Variants in PELI2 observed in about 807,000 individuals in gnomAD.
PELI2 encodes E3 ubiquitin-protein ligase pellino homolog 2.
In PELI2, 23 loss-of-function variants were observed where a neutral mutation model predicts 42.3. The ratio of observed to expected loss-of-function variants is 0.54; its 90% CI spans 0.39 to 0.77. The LOEUF is 0.77. Ranked by LOEUF, PELI2 falls within the 30% of genes least tolerant of loss-of-function variation. The pLI is 0.00. For missense variants in PELI2, 463 were observed against 553.2 expected, an observed-to-expected ratio of 0.84 and a Z score of 1.64; for synonymous variants, 245 against 212.2, an observed-to-expected ratio of 1.15 and a Z score of -1.34.
intron 1 of PELI2, among the ~76,000 whole-genome samples, chr14:56,133,615 C>A (rs1883575595): frequency 6.6e-6 from 1 of 152,322 alleles, no homozygotes; most frequent in East Asian, 1.9e-4. Flanking sequence ...ATGTAACTTT[C>A]TTCTTTTTCT....
intron 3 of PELI2, among the ~76,000 whole-genome samples, chr14:56,280,794 A>G (rs768803402): frequency 5.9e-5 from 9 of 152,154 alleles, no homozygotes; most frequent in Non-Finnish European, 1.2e-4. Context: ...CACAAAAATT[A>G]GAAGTCGAAC....
At chr14:56,266,930 A>G (rs981298438) in intron 2 of PELI2, among the ~76,000 whole-genome samples, 10 of 152,090 alleles carry the variant, frequency 6.6e-5, no homozygotes, top group South Asian at 2.1e-4. Context: ...AGACAATTCT[A>G]TAAGTTATTG....
At chr14:56,268,365 G>A (rs1203647571) in intron 2 of PELI2, among the ~76,000 whole-genome samples, 1 of 152,148 alleles carries the variant, frequency 6.6e-6, no homozygotes, top group East Asian at 1.9e-4. Flanking sequence ...AATGTAGGAT[G>A]TCACAGCAGG....
In PELI2 at chr14:56,259,240, G is replaced by A. The variant is rs147804946; in HGVS notation, c.208-20436G>A. On this transcript the variant is annotated intron_variant, in intron 2 of 5. Coordinates refer to ENST00000267460, the MANE Select transcript of PELI2 (RefSeq NM_021255.3). Reference sequence around the variant, plus strand: ...AATGTTAAAGTTTTTCAGGCAGAAGGAGAAAACAACAGATGGAAATTTAGA... The same window carrying A: ...AATGTTAAAGTTTTTCAGGCAGAAGAAGAAAACAACAGATGGAAATTTAGA... Among the ~76,000 whole-genome samples the A allele has an allele frequency of 8.1e-3, 1,227 of 152,210 alleles. 14 individuals carry two copies. Among genetic ancestry groups the A allele is most frequent in the Non-Finnish European group, 0.01 (706 of 67,978 alleles).
chr14:56,217,691 A>G (rs537781690), intron 2 of PELI2, among the ~76,000 whole-genome samples: 1 of 152,388 alleles, frequency 6.6e-6, no homozygotes, highest in East Asian at 1.9e-4. Context: ...AAAACATGTA[A>G]TAGAAAAAGG....
At chr14:56,231,680 A>G (rs569854462) in intron 2 of PELI2, among the ~76,000 whole-genome samples, 37 of 152,354 alleles carry the variant, frequency 2.4e-4, no homozygotes, top group Admixed American at 4.6e-4. Context: ...TTGACACCCT[A>G]ACATCACAAT....
intron 2 of PELI2, among the ~76,000 whole-genome samples, chr14:56,259,331 T>C (rs942600915): frequency 6.6e-6 from 1 of 152,178 alleles, no homozygotes; most frequent in Non-Finnish European, 1.5e-5. Context: ...CACTTCTTTC[T>C]TATTTTTGAT....
intron 2 of PELI2, 41 bp downstream of exon 2, chr14:56,178,505 A>T (rs113414184): frequency 1.2e-6 from 2 of 1,608,144 alleles, no homozygotes. Context: ...GCTGGCAAAC[A>T]GTGACTCACA....
At chr14:56,126,105 C>CT (rs750766710) in intron 1 of PELI2, among the ~76,000 whole-genome samples, 1 of 152,150 alleles carries the variant, frequency 6.6e-6, no homozygotes, top group Non-Finnish European at 1.5e-5. Context: ...GTTTGTTTTT[C>CT]TTTTTGTCAG....
At chr14:56,293,490 C>G (rs182309015) in intron 5 of PELI2, among the ~76,000 whole-genome samples, 5 of 129,644 alleles carry the variant, frequency 3.9e-5, no homozygotes, top group African/African-American at 1.5e-4. Flanking sequence ...TAATACATGT[C>G]TAATAGGACT....
chr14:56,257,628 C>G (rs1888568952), intron 2 of PELI2, among the ~76,000 whole-genome samples: 1 of 152,110 alleles, frequency 6.6e-6, no homozygotes, highest in Non-Finnish European at 1.5e-5. Context: ...TTAACTGTTA[C>G]AGAATTCACT....
In PELI2 at chr14:56,268,590, C is replaced by T. The variant is rs138282622; in HGVS notation, c.208-11086C>T. On this transcript the variant is annotated intron_variant, in intron 2 of 5. Transcript: ENST00000267460. ...TGCACCTTCATTTCTTCCCCTGCGG[C>T]ATTTTGCTCACATCTGGAAACATAA... Among the ~76,000 whole-genome samples, 227 of 152,340 alleles carry T rather than the reference C, an allele frequency of 1.5e-3. 1 individual carries two copies. Among genetic ancestry groups the T allele is most frequent in the African/African-American group, 5.3e-3 (219 of 41,572 alleles).
intron 3 of PELI2, 135 bp downstream of exon 3, chr14:56,279,912 T>A (rs543304755): frequency 9.1e-5 from 38 of 417,394 alleles, no homozygotes; most frequent in Middle Eastern, 6.1e-4. Flanking sequence ...TATTCCTGTT[T>A]GGTTGTTGAA....
At chr14:56,213,660 T>A (rs558514592) in intron 2 of PELI2, among the ~76,000 whole-genome samples, 2 of 152,250 alleles carry the variant, frequency 1.3e-5, no homozygotes, top group South Asian at 4.2e-4. Flanking sequence ...GGGGGTGAGG[T>A]TAATAAGCCA....
At chr14:56,268,930 G>A (rs181686029) in intron 2 of PELI2, among the ~76,000 whole-genome samples, 53 of 152,310 alleles carry the variant, frequency 3.5e-4, no homozygotes, top group African/African-American at 1.3e-3. Flanking sequence ...TGCCATCAGA[G>A]TCTGCATTAA....
intron 1 of PELI2, among the ~76,000 whole-genome samples, chr14:56,149,844 G>C (rs916024698): frequency 6.6e-6 from 1 of 151,992 alleles, no homozygotes; most frequent in African/African-American, 2.4e-5. Flanking sequence ...TTTTACTTTC[G>C]TTAAGGACGT....
chr14:56,119,407 A>G (rs1316236072), intron 1 of PELI2, among the ~76,000 whole-genome samples: 1 of 151,886 alleles, frequency 6.6e-6, no homozygotes, highest in African/African-American at 2.4e-5. Flanking sequence ...GGGGAGGGAC[A>G]GGATGCGGCT....
At chr14:56,175,930 C>T (rs946582877) in intron 1 of PELI2, among the ~76,000 whole-genome samples, 3 of 152,170 alleles carry the variant, frequency 2.0e-5, no homozygotes, top group African/African-American at 7.2e-5. Context: ...ACTTTGTCTG[C>T]TTTTTCAGCC....
chr14:56,278,188 T>A (rs1889358306), intron 2 of PELI2, among the ~76,000 whole-genome samples: 1 of 152,218 alleles, frequency 6.6e-6, no homozygotes, highest in African/African-American at 2.4e-5. Context: ...TAATAAATTA[T>A]TTTTCTTAAA....
Sources: gnomAD v4.1 joint callset for allele counts (sites outside exome capture counted in the v4.1 genomes callset) on GRCh38, gnomAD v4.1.1 for gene constraint, MANE v1.5 for transcripts, NCBI Gene and HGNC (gene_info 2026-07-23, HGNC 2026-07-21) for gene names.